GLIS1: variants seen among roughly 807,000 people sequenced by gnomAD.
The protein encoded by GLIS1 is zinc finger protein GLIS1.
A neutral mutation model predicts 63.8 loss-of-function variants in GLIS1; 24 were observed. That is an observed-to-expected ratio of 0.38 (90% confidence interval 0.27 to 0.53). GLIS1 has a LOEUF of 0.53. Among genes scored for constraint, GLIS1 ranks in the 20% least tolerant of loss-of-function variants. The probability of loss-of-function intolerance (pLI) is 0.85; values close to 1 mark genes in which losing one functional copy is unlikely to be tolerated. For missense variants in GLIS1, 1,036 were observed against 1,074.1 expected, an observed-to-expected ratio of 0.96 and a Z score of 0.50; for synonymous variants, 450 against 482.5, an observed-to-expected ratio of 0.93 and a Z score of 0.88.
At position 53,560,251 on chromosome 1, in the gene GLIS1, G is replaced by A. The variant is rs145977746; in HGVS notation, c.1321-30299C>T. Among the ~76,000 whole-genome samples, 1 of 152,224 alleles carries A rather than the reference G, an allele frequency of 6.6e-6. No homozygotes were observed. Among genetic ancestry groups the A allele is most frequent in the South Asian group, 2.1e-4 (1 of 4,836 alleles). On this transcript the variant is annotated intron_variant, in intron 4 of 10. Transcript: ENST00000628545. The surrounding 1 kb of genome is among the most constrained non-coding windows in gnomAD (Gnocchi z 4.4). ...GACAAAGAAGAGCCAGCTTTGCCCA[G>A]ACCTGGGGGCAGCAGCTGTGTTGAC...
At chr1:53,632,646 G>C (rs1290559700) in intron 2 of GLIS1, among the ~76,000 whole-genome samples, 1 of 146,730 alleles carries the variant, frequency 6.8e-6, no homozygotes, top group African/African-American at 2.5e-5. Context: ...GTGTGATTGA[G>C]GGGCATGTGA....
In GLIS1 at chr1:53,612,843, G is replaced by C. The variant is rs1645439805; in HGVS notation, c.260-12565C>G. On this transcript the variant is annotated intron_variant, in intron 2 of 10. Transcript: ENST00000628545. Reference sequence around the variant, plus strand: ...GCCTTTTTTTTTTTTTTTTGAGATGGGGTCTCGCTCTGTCACCCAGGCTGG... The same window carrying C: ...GCCTTTTTTTTTTTTTTTTGAGATGCGGTCTCGCTCTGTCACCCAGGCTGG... 2.0e-5 allele frequency among the ~76,000 whole-genome samples: 3 copies of C among 149,982 alleles called. No homozygotes were observed. In the South Asian group the frequency reaches 6.4e-4, roughly 32 times the overall value.
At chr1:53,656,794 G>A (rs1216905766) in intron 2 of GLIS1, among the ~76,000 whole-genome samples, 2 of 152,232 alleles carry the variant, frequency 1.3e-5, no homozygotes, top group African/African-American at 4.8e-5. Context: ...AGTACCGGAG[G>A]GCCAGTCCAG....
rs762158343 is a variant in GLIS1 at position 53,594,400 on chromosome 1, TA to T, written c.1027del (p.Tyr343IlefsTer116). On this transcript the variant is annotated frameshift_variant, in exon 4 of 11. Coordinates refer to ENST00000628545, the MANE Select transcript of GLIS1 (RefSeq NM_001367484.1). LOFTEE classifies it high-confidence loss of function. ...GPHQQGLPPP[Y>X]PLSQLPPGPS... Reference sequence around the variant, plus strand: ...GCCAGGCGGCAACTGAGACAGGGGATAGGGGGGCGGCAGGCCCTGCTGGTGA... The same window carrying T: ...GCCAGGCGGCAACTGAGACAGGGGATGGGGGGCGGCAGGCCCTGCTGGTGA... 6.8e-6 allele frequency: 11 copies of T among 1,612,006 alleles called. No individual in the cohort carries two copies. Among genetic ancestry groups the T allele is most frequent in the Admixed American group, 3.3e-5 (2 of 59,932 alleles).
chr1:53,567,402 T>C lies in GLIS1; in HGVS notation c.1320+26706A>G, dbSNP rs578191147. 9.5e-4 allele frequency among the ~76,000 whole-genome samples: 145 copies of C among 152,336 alleles called. 2 individuals are homozygous for C. The highest frequency in any genetic ancestry group is 3.3e-3 in the African/African-American group (139 of 41,578). On this transcript the variant is annotated intron_variant, in intron 4 of 10. Coordinates refer to ENST00000628545, the MANE Select transcript of GLIS1 (RefSeq NM_001367484.1). ...AGAGATGGTCTAAAATTGGAACTTA[T>C]GTTGAAAAGGGAAGCAGAGCATAAA...
At chr1:53,713,232 A>G (rs1646664165) in intron 2 of GLIS1, among the ~76,000 whole-genome samples, 1 of 62,252 alleles carries the variant, frequency 1.6e-5, no homozygotes, top group African/African-American at 5.9e-5. Flanking sequence ...GTGAGACCTC[A>G]TCTCTTCAAG....
chr1:53,738,169 G>A, intron 1 of GLIS1, 63 bp from the exon 2 acceptor site: 1 of 1,043,736 alleles, frequency 9.6e-7, no homozygotes, highest in East Asian at 3.3e-5. Context: ...TTGTCCCGGG[G>A]CCGAGTTTGA....
intron 2 of GLIS1, among the ~76,000 whole-genome samples, chr1:53,660,229 C>G (rs1646012040): frequency 6.6e-6 from 1 of 152,174 alleles, no homozygotes; most frequent in South Asian, 2.1e-4. Flanking sequence ...ATCTTGCAGA[C>G]CCTTGCAAGA....
chr1:53,625,768 T>C (rs894732199), intron 2 of GLIS1, among the ~76,000 whole-genome samples: 3 of 152,212 alleles, frequency 2.0e-5, no homozygotes, highest in Non-Finnish European at 4.4e-5. Flanking sequence ...TTCAAACCCA[T>C]ACTTAATTCC....
intron 4 of GLIS1, among the ~76,000 whole-genome samples, chr1:53,562,337 A>G (rs1298877190): frequency 1.3e-5 from 2 of 152,202 alleles, no homozygotes; most frequent in African/African-American, 2.4e-5. Flanking sequence ...ACAGGACACC[A>G]AGATTTTCAC....
intron 2 of GLIS1, among the ~76,000 whole-genome samples, chr1:53,654,905 G>A (rs913979154): frequency 6.6e-6 from 1 of 152,236 alleles, no homozygotes. Context: ...AACGAAGGCA[G>A]TCTCTGAAGA....
At chr1:53,602,038 T>G (rs1397734234) in intron 2 of GLIS1, among the ~76,000 whole-genome samples, 1 of 152,134 alleles carries the variant, frequency 6.6e-6, no homozygotes. Flanking sequence ...CGCGAGCCCG[T>G]GGAGAGGACT....
intron 2 of GLIS1, among the ~76,000 whole-genome samples, chr1:53,609,258 G>A (rs1239558507): frequency 2.3e-5 from 3 of 131,816 alleles, no homozygotes; most frequent in Admixed American, 8.0e-5. Context: ...GGGTATTTGG[G>A]TTTAAATCTT....
At chr1:53,597,176 TAAAAAAAAAAAAAAAAAAAA>T (rs57607550) in intron 3 of GLIS1, among the ~76,000 whole-genome samples, 2 of 19,312 alleles carry the variant, frequency 1.0e-4, no homozygotes, top group African/African-American at 2.8e-4. Context: ...CTGTCTCTAC[TAAAAAAAAAAAAAAAAAAAA>T]AAAAAAAAAA....
At chr1:53,672,985 G>T (rs1263276936) in intron 2 of GLIS1, among the ~76,000 whole-genome samples, 1 of 152,152 alleles carries the variant, frequency 6.6e-6, no homozygotes, top group Non-Finnish European at 1.5e-5. Context: ...CTGTCCCCAG[G>T]TCTCTGCCCA....
intron 4 of GLIS1, among the ~76,000 whole-genome samples, chr1:53,538,829 G>A (rs1194210836): frequency 6.6e-6 from 1 of 152,184 alleles, no homozygotes; most frequent in East Asian, 1.9e-4. Context: ...GTTCCTGTCT[G>A]GGCAAGAAAT....
Position 53,514,727 on chromosome 1 carries a change from G to T in GLIS1, c.1781C>A (p.Pro594His). Residue 594 changes from proline (P) to histidine (H), a missense_variant, in exon 8 of 11, where the codon CCC becomes CAC. By Grantham distance (77) the Pro-to-His change is moderately conservative (BLOSUM62 -2). This residue lies in a region of GLIS1 where 400 missense variants were observed against 400.9 expected (regional missense o/e 1.00). Transcript: ENST00000628545. ...CCTGGAAGGTACGTCGTGCGCTGGG[G>T]GCAGGAGGCCCGATGCAAGTCCGTT... The part of the protein sequence containing the change: ...PHNGLASGLL[P>H]PAHDVPSRHH... 6.2e-7 allele frequency: 1 copy of T among 1,612,638 alleles called. No individual in the cohort carries two copies. Among genetic ancestry groups the T allele is most frequent in the Non-Finnish European group, 8.5e-7 (1 of 1,179,388 alleles).
At chr1:53,524,083 C>G (rs1644438611) in intron 6 of GLIS1, among the ~76,000 whole-genome samples, 1 of 152,254 alleles carries the variant, frequency 6.6e-6, no homozygotes, top group African/African-American at 2.4e-5. Flanking sequence ...CAGTTCTAAA[C>G]CCTCAGCATA....
chr1:53,584,141 C>T (rs373208100), intron 4 of GLIS1, among the ~76,000 whole-genome samples: 1 of 152,210 alleles, frequency 6.6e-6, no homozygotes, highest in South Asian at 2.1e-4. Context: ...CATGTACCCA[C>T]CACACTAGCA....
Sources: allele counts gnomAD v4.1 joint callset (sites outside exome capture counted in the v4.1 genomes callset), GRCh38; gene constraint gnomAD v4.1.1; regional missense constraint gnomAD v4.1.1; non-coding constraint Gnocchi (gnomAD v3.1); transcripts MANE v1.5; gene names NCBI Gene and HGNC (gene_info 2026-07-23, HGNC 2026-07-21).